Variants in GTF2E1 observed in about 807,000 individuals in gnomAD.
GTF2E1 encodes the protein general transcription factor IIE subunit 1.
In GTF2E1, 14 loss-of-function variants were observed where a neutral mutation model predicts 34.9. That is an observed-to-expected ratio of 0.40 (90% confidence interval 0.27 to 0.63). GTF2E1 has a LOEUF of 0.63. GTF2E1 is among the 20% of genes least tolerant of loss of function. The pLI is 0.39. For missense variants in GTF2E1, 469 were observed against 557.7 expected, an observed-to-expected ratio of 0.84 and a Z score of 1.60; for synonymous variants, 188 against 192.9, an observed-to-expected ratio of 0.97 and a Z score of 0.21.
chr3:120,753,605 C>T (rs1709185331), intron 2 of GTF2E1, among the ~76,000 whole-genome samples: 1 of 152,144 alleles, frequency 6.6e-6, no homozygotes, highest in Non-Finnish European at 1.5e-5. Context: ...AGTGTATGGG[C>T]AGCTCTCTGC....
chr3:120,753,725 A>G (rs981239794), intron 2 of GTF2E1, among the ~76,000 whole-genome samples: 2 of 152,166 alleles, frequency 1.3e-5, no homozygotes, highest in African/African-American at 4.8e-5. Context: ...ATTCACACAT[A>G]AGCCACCGGT....
chr3:120,773,328 C>T (rs2107612396), intron 3 of GTF2E1, among the ~76,000 whole-genome samples: 1 of 152,166 alleles, frequency 6.6e-6, no homozygotes, highest in Middle Eastern at 3.4e-3. Flanking sequence ...ATAGTCCATC[C>T]TGCCTCAGTA....
At position 120,759,773 on chromosome 3, in the gene GTF2E1, C is replaced by G. The variant is rs967265692; in HGVS notation, c.448+8773C>G. On this transcript the variant is annotated intron_variant, in intron 2 of 4. Transcript: ENST00000283875. ...TAGAGGTGTGGTGTTATTTCTGAGG[C>G]CTCTGTTCTGTTCCATTGGTCTGTA... Among the ~76,000 whole-genome samples the G allele has an allele frequency of 3.3e-5, 5 of 152,094 alleles. No homozygotes were observed. The East Asian group carries it at 9.6e-4, about 29-fold the overall frequency.
At chr3:120,749,931 T>C (rs539424873) in intron 1 of GTF2E1, 1 of 152,370 alleles carries the variant, frequency 6.6e-6, no homozygotes, top group South Asian at 2.1e-4. Context: ...TTTCCTTGAT[T>C]ATCAGATTCA....
intron 4 of GTF2E1, among the ~76,000 whole-genome samples, chr3:120,780,153 C>G (rs1409236114): frequency 6.6e-6 from 1 of 152,100 alleles, no homozygotes; most frequent in African/African-American, 2.4e-5. Context: ...TATTCAGTGC[C>G]TAACAGAGTG....
At chr3:120,748,857 A>G (rs1709134344) in intron 1 of GTF2E1, among the ~76,000 whole-genome samples, 1 of 152,068 alleles carries the variant, frequency 6.6e-6, no homozygotes, top group South Asian at 2.1e-4. Flanking sequence ...GGCCATTTTC[A>G]CGATATTGAT....
intron 1 of GTF2E1, among the ~76,000 whole-genome samples, chr3:120,745,972 A>G (rs1021290410): frequency 6.6e-6 from 1 of 152,140 alleles, no homozygotes; most frequent in Admixed American, 6.5e-5. Context: ...ATCTTACAAT[A>G]TGTAGTCATA....
intron 2 of GTF2E1, among the ~76,000 whole-genome samples, chr3:120,763,601 A>G (rs1009361044): frequency 2.0e-5 from 3 of 152,224 alleles, no homozygotes; most frequent in Non-Finnish European, 2.9e-5. Flanking sequence ...TAGTTTTAAC[A>G]TGGAACTGTG....
rs530015510 is a variant in GTF2E1 at position 120,760,733 on chromosome 3, A to T, written c.448+9733A>T. 7.2e-5 allele frequency among the ~76,000 whole-genome samples: 11 copies of T among 151,936 alleles called. No individual in the cohort carries two copies. The East Asian group carries it at 1.9e-3, about 27-fold the overall frequency. ...TTTATGTGATGGATTACATTTATTG[A>T]TTTGCATATGTTGAACCAGCCTTGC... On this transcript the variant is annotated intron_variant, in intron 2 of 4. Coordinates refer to ENST00000283875, the MANE Select transcript of GTF2E1 (RefSeq NM_005513.3).
At position 120,776,658 on chromosome 3, in the gene GTF2E1, A is replaced by G. The variant is rs184371098; in HGVS notation, c.886A>G (p.Lys296Glu). ...AGGGGCATATGGTTCTGAAGATATG[A>G]AAGAAGGTAAGAGTAGAAGTCAGTA... is the stretch of plus-strand genomic sequence containing the variant. The part of the protein sequence containing the change: ...VQGAYGSEDM[K>E]EGGIDMDAFQ... The change falls in exon 4 of 5, where the codon AAA (lysine) becomes GAA (glutamate). Residue 296 changes from lysine to glutamate, a missense_variant. By Grantham distance (56) the Lys-to-Glu change is moderately conservative (BLOSUM62 1). Coordinates refer to ENST00000283875, the MANE Select transcript of GTF2E1 (RefSeq NM_005513.3). The G allele has an allele frequency of 6.2e-7, 1 of 1,612,706 alleles. No individual in the cohort carries two copies.
At chr3:120,745,018 A>C (rs1468550553) in intron 1 of GTF2E1, among the ~76,000 whole-genome samples, 1 of 151,996 alleles carries the variant, frequency 6.6e-6, no homozygotes, top group African/African-American at 2.4e-5. Flanking sequence ...TCCTGGCTCA[A>C]TTGATCCACC....
chr3:120,774,466 T>C (rs1378754248), intron 3 of GTF2E1, among the ~76,000 whole-genome samples: 1 of 152,034 alleles, frequency 6.6e-6, no homozygotes, highest in East Asian at 1.9e-4. Flanking sequence ...ACATAGCCTT[T>C]AAAAGACCAC....
intron 2 of GTF2E1, among the ~76,000 whole-genome samples, chr3:120,765,442 T>C (rs942713435): frequency 1.3e-5 from 2 of 152,240 alleles, no homozygotes; most frequent in Non-Finnish European, 2.9e-5. Context: ...TTATTTGTTA[T>C]AAATCTTTTC....
chr3:120,751,102 A>T (rs1013295044), intron 2 of GTF2E1, 102 bp downstream of exon 2: 2 of 708,886 alleles, frequency 2.8e-6, no homozygotes, highest in African/African-American at 3.6e-5. Flanking sequence ...TATTATTATA[A>T]AAGTGAATGG....
chr3:120,782,971 A>G lies in GTF2E1; in HGVS notation c.*1501A>G, dbSNP rs1709460938. 6.6e-6 allele frequency: 1 copy of G among 152,188 alleles called. No individual in the cohort carries two copies. Among genetic ancestry groups the G allele is most frequent in the East Asian group, 1.9e-4 (1 of 5,196 alleles). 9.4% of individuals were successfully genotyped at this position (152,188 alleles called of 1,614,324 possible). A position where few individuals can be genotyped will look rare whatever the true frequency, so the allele number is the denominator to read the frequency against. The stretch of plus-strand genomic sequence containing the variant: ...TTTTAAGTATTTATCATTTTATAGT[A>G]CACATGTAAAGAATATATGAGCCTT... On this transcript the variant is annotated 3_prime_UTR_variant, in exon 5 of 5. Coordinates refer to ENST00000283875, the MANE Select transcript of GTF2E1 (RefSeq NM_005513.3).
At chr3:120,756,268 A>T (rs1010929265) in intron 2 of GTF2E1, among the ~76,000 whole-genome samples, 15 of 152,140 alleles carry the variant, frequency 9.9e-5, no homozygotes, top group Admixed American at 3.3e-4. Flanking sequence ...TCTTGCCAGC[A>T]TTTGTTATTG....
intron 1 of GTF2E1, among the ~76,000 whole-genome samples, chr3:120,747,417 G>A (rs1311225135): frequency 1.3e-5 from 2 of 151,826 alleles, no homozygotes; most frequent in African/African-American, 2.4e-5. Context: ...CCCACAATAG[G>A]CCCCAGTGTG....
At chr3:120,756,755 A>G (rs1192064278) in intron 2 of GTF2E1, among the ~76,000 whole-genome samples, 1 of 151,972 alleles carries the variant, frequency 6.6e-6, no homozygotes, top group Non-Finnish European at 1.5e-5. Flanking sequence ...GCAAAACCCC[A>G]TCTCTACTAA....
chr3:120,762,674 G>T (rs921813324), intron 2 of GTF2E1, among the ~76,000 whole-genome samples: 12 of 152,162 alleles, frequency 7.9e-5, no homozygotes, highest in Non-Finnish European at 1.8e-4. Flanking sequence ...AGCAGTGGCT[G>T]CAAGACAGTA....
Sources: allele counts gnomAD v4.1 joint callset (sites outside exome capture counted in the v4.1 genomes callset), GRCh38; gene constraint gnomAD v4.1.1; transcripts MANE v1.5; gene names NCBI Gene and HGNC (gene_info 2026-07-23, HGNC 2026-07-21).